GRIK1: variants seen among roughly 807,000 people sequenced by gnomAD.
The protein encoded by GRIK1 is glutamate ionotropic receptor kainate type subunit 1, also known as glutamate receptor ionotropic, kainate 1.
Under a neutral mutation model 105.7 loss-of-function variants are expected in GRIK1, and 69 were observed. The ratio of observed to expected loss-of-function variants is 0.65; its 90% CI spans 0.54 to 0.80. GRIK1 has a LOEUF of 0.80. Ranked by LOEUF, GRIK1 falls within the 30% of genes least tolerant of loss-of-function variation. GRIK1 has a pLI of 0.00. For synonymous variants in GRIK1, 438 were observed against 431.3 expected (o/e 1.02, Z -0.19); for missense variants, 1,109 against 1,167.3 (o/e 0.95, Z 0.73).
At chr21:29,885,458 T>A (rs539732089) in intron 1 of GRIK1, among the ~76,000 whole-genome samples, 1 of 152,172 alleles carries the variant, frequency 6.6e-6, no homozygotes, top group Non-Finnish European at 1.5e-5. Flanking sequence ...AAAAATCTTG[T>A]GATATAGAAT....
chr21:29,608,949 T>C (rs930330700), intron 7 of GRIK1, among the ~76,000 whole-genome samples: 14 of 152,016 alleles, frequency 9.2e-5, no homozygotes, highest in Admixed American at 3.3e-4. Flanking sequence ...CAACATCCAC[T>C]AGTTATAAGA....
At chr21:29,639,445 T>G (rs1009850789) in intron 7 of GRIK1, among the ~76,000 whole-genome samples, 1 of 152,076 alleles carries the variant, frequency 6.6e-6, no homozygotes, top group African/African-American at 2.4e-5. Context: ...AGTGCTTGAG[T>G]TGAGACGTAA....
intron 12 of GRIK1, among the ~76,000 whole-genome samples, chr21:29,584,677 A>G (rs2091093104): frequency 6.6e-6 from 1 of 152,220 alleles, no homozygotes; most frequent in African/African-American, 2.4e-5. Context: ...AAAAGAACAT[A>G]AGAGAATACA....
rs573457159 is a variant in GRIK1, at chr21:29,734,626, T to C, written c.119-40563A>G. Among the ~76,000 whole-genome samples the C allele has an allele frequency of 4.6e-5, 7 of 152,104 alleles. No individual in the cohort carries two copies. The East Asian group carries it at 1.4e-3, about 29-fold the overall frequency. On this transcript the variant is annotated intron_variant, in intron 1 of 17. Transcript: ENST00000327783. ...GTTGCCCAAACTAGTCTTGAACTCT[T>C]GGGCTCAAGAGATCCACCCCCCTGG...
intron 13 of GRIK1, among the ~76,000 whole-genome samples, chr21:29,579,421 G>A (rs2090966918): frequency 6.6e-6 from 1 of 152,140 alleles, no homozygotes; most frequent in Non-Finnish European, 1.5e-5. Flanking sequence ...AAATATTTGG[G>A]ATGAGAGACA....
chr21:29,598,536 G>A (rs1027812377), intron 8 of GRIK1, among the ~76,000 whole-genome samples: 1 of 152,048 alleles, frequency 6.6e-6, no homozygotes, highest in African/African-American at 2.4e-5. Context: ...TTAAGACATG[G>A]GCCTAATGAC....
intron 1 of GRIK1, among the ~76,000 whole-genome samples, chr21:29,811,598 AG>A (rs1329147567): frequency 6.6e-6 from 1 of 152,130 alleles, no homozygotes; most frequent in Non-Finnish European, 1.5e-5. Context: ...CTCCTTCTTT[AG>A]GACACACATG....
intron 1 of GRIK1, among the ~76,000 whole-genome samples, chr21:29,810,178 T>C (rs1001445783): frequency 7.2e-5 from 11 of 151,946 alleles, no homozygotes; most frequent in African/African-American, 2.7e-4. Flanking sequence ...GCACCTGGAA[T>C]CCCAGCTACT....
At chr21:29,749,856 G>A (rs2065139354) in intron 1 of GRIK1, among the ~76,000 whole-genome samples, 1 of 152,050 alleles carries the variant, frequency 6.6e-6, no homozygotes, top group African/African-American at 2.4e-5. Context: ...ATAAAACCTA[G>A]TCCGCATATT....
intron 7 of GRIK1, among the ~76,000 whole-genome samples, chr21:29,621,686 C>T (rs1171813842): frequency 6.6e-6 from 1 of 152,182 alleles, no homozygotes; most frequent in Non-Finnish European, 1.5e-5. Flanking sequence ...TATTACCCTA[C>T]TTCTAGGACA....
intron 4 of GRIK1, among the ~76,000 whole-genome samples, chr21:29,656,203 A>T (rs553178411): frequency 1.4e-4 from 21 of 151,770 alleles, no homozygotes; most frequent in Admixed American, 2.6e-4. Flanking sequence ...TCTACTAAAA[A>T]TACACAAAAT....
intron 6 of GRIK1, among the ~76,000 whole-genome samples, chr21:29,647,713 G>A (rs536973518): frequency 1.3e-5 from 2 of 152,228 alleles, no homozygotes; most frequent in South Asian, 2.1e-4. Flanking sequence ...CTGAAAGGTC[G>A]AATCAGCCCA....
chr21:29,776,733 G>C (rs942450680), intron 1 of GRIK1, among the ~76,000 whole-genome samples: 1 of 152,174 alleles, frequency 6.6e-6, no homozygotes, highest in Non-Finnish European at 1.5e-5. Flanking sequence ...AGCAAATGTG[G>C]ACTTTTCAAT....
chr21:29,831,350 G>A (rs926558192), intron 1 of GRIK1, among the ~76,000 whole-genome samples: 2 of 152,100 alleles, frequency 1.3e-5, no homozygotes, highest in Non-Finnish European at 1.5e-5. Flanking sequence ...ACCCACTAAA[G>A]AACTTTTGCA....
At chr21:29,791,280 G>A (rs1440885493) in intron 1 of GRIK1, among the ~76,000 whole-genome samples, 5 of 152,026 alleles carry the variant, frequency 3.3e-5, no homozygotes, top group Admixed American at 2.0e-4. Flanking sequence ...GATATCTCCC[G>A]ATTAGAATTG....
chr21:29,829,249 T>G (rs2067560815), intron 1 of GRIK1, among the ~76,000 whole-genome samples: 1 of 152,194 alleles, frequency 6.6e-6, no homozygotes, highest in Non-Finnish European at 1.5e-5. Flanking sequence ...TATTCATCAC[T>G]TTTAAAAGGA....
chr21:29,721,608 A>T (rs894805689), intron 1 of GRIK1, among the ~76,000 whole-genome samples: 1 of 152,094 alleles, frequency 6.6e-6, no homozygotes, highest in Non-Finnish European at 1.5e-5. Context: ...TACCAAAAAA[A>T]AAAAATAAAG....
intron 7 of GRIK1, among the ~76,000 whole-genome samples, chr21:29,613,531 C>G (rs2061775090): frequency 6.6e-6 from 1 of 152,124 alleles, no homozygotes; most frequent in Non-Finnish European, 1.5e-5. Context: ...CAACTTCAAG[C>G]CAGTTATTAA....
chr21:29,921,893 T>A (rs1455852233), intron 1 of GRIK1, among the ~76,000 whole-genome samples: 1 of 152,182 alleles, frequency 6.6e-6, no homozygotes, highest in African/African-American at 2.4e-5. Context: ...AGGTACTAGG[T>A]GCTCATTACT....
Sources: gnomAD v4.1 joint callset for allele counts (sites outside exome capture counted in the v4.1 genomes callset) on GRCh38, gnomAD v4.1.1 for gene constraint, MANE v1.5 for transcripts, NCBI Gene and HGNC (gene_info 2026-07-23, HGNC 2026-07-21) for gene names.